The following JAZF1 variants were observed in gnomAD, a reference collection of about 807,000 sequenced individuals.
The protein encoded by JAZF1 is JAZF zinc finger 1.
JAZF1 carries 8 observed loss-of-function variants against 26.4 expected under a neutral mutation model. The ratio of observed to expected loss-of-function variants is 0.30; its 90% CI spans 0.18 to 0.55. The LOEUF is 0.55. JAZF1 is among the 20% of genes least tolerant of loss of function. The pLI, the probability that JAZF1 is intolerant of heterozygous loss-of-function variation, is 0.94. For synonymous variants in JAZF1, 126 were observed against 122.3 expected (o/e 1.03, Z -0.20); for missense variants, 199 against 322.0 (o/e 0.62, Z 2.92).
chr7:28,155,407 ACATC>A (rs1446872045), intron 1 of JAZF1, among the ~76,000 whole-genome samples: 1 of 152,238 alleles, frequency 6.6e-6, no homozygotes, highest in Non-Finnish European at 1.5e-5. Flanking sequence ...CTGGAATAAT[ACATC>A]ACTCTTCTGA....
chr7:27,910,597 C>T (rs1373168063), intron 2 of JAZF1, among the ~76,000 whole-genome samples: 1 of 152,180 alleles, frequency 6.6e-6, no homozygotes, highest in Admixed American at 6.5e-5. Flanking sequence ...AGAGTACAGG[C>T]CCCTATTTCA....
chr7:27,956,150 G>A lies in JAZF1; in HGVS notation c.188+35759C>T, dbSNP rs140151025. 1.4e-4 allele frequency among the ~76,000 whole-genome samples: 22 copies of A among 152,264 alleles called. No individual in the cohort carries two copies. The East Asian group carries it at 4.0e-3, about 28-fold the overall frequency. ...GTAGGGTGTAGCAGATCTTAAAGGC[G>A]TTTCACAAAAATCAGAACCTTTATT... On this transcript the variant is annotated intron_variant, in intron 2 of 4. Coordinates refer to ENST00000283928, the MANE Select transcript of JAZF1 (RefSeq NM_175061.4).
At chr7:28,116,929 T>C (rs1249631728) in intron 1 of JAZF1, among the ~76,000 whole-genome samples, 1 of 152,164 alleles carries the variant, frequency 6.6e-6, no homozygotes, top group East Asian at 1.9e-4. Context: ...GTTCAAGCGA[T>C]TCTCCTGCCT....
At chr7:27,833,202 A>G (rs1296093061) in intron 4 of JAZF1, 1 of 322,314 alleles carries the variant, frequency 3.1e-6, no homozygotes, top group Non-Finnish European at 5.6e-6. Context: ...ATGTGCCTCA[A>G]TTACTCTGAA....
intron 3 of JAZF1, among the ~76,000 whole-genome samples, chr7:27,881,846 T>A (rs1284739572): frequency 6.6e-6 from 1 of 152,216 alleles, no homozygotes; most frequent in African/African-American, 2.4e-5. Context: ...CTGATGAGAC[T>A]TTTAACTATA....
At chr7:28,091,383 C>T (rs774905239) in intron 1 of JAZF1, among the ~76,000 whole-genome samples, 4 of 151,784 alleles carry the variant, frequency 2.6e-5, no homozygotes, top group Non-Finnish European at 4.4e-5. Flanking sequence ...ATTTATGAGG[C>T]ATTTTCCCTT....
intron 2 of JAZF1, among the ~76,000 whole-genome samples, chr7:27,933,703 C>T (rs1784721241): frequency 6.6e-6 from 1 of 152,134 alleles, no homozygotes; most frequent in Non-Finnish European, 1.5e-5. Flanking sequence ...CTTCATTTTA[C>T]AACTAACATC....
At chr7:28,073,255 T>C (rs1345336787) in intron 1 of JAZF1, among the ~76,000 whole-genome samples, 2 of 152,226 alleles carry the variant, frequency 1.3e-5, no homozygotes, top group Non-Finnish European at 2.9e-5. Flanking sequence ...GGAGCGTGGC[T>C]GGAGACCTGG....
chr7:27,875,947 G>T (rs1238111976), intron 3 of JAZF1, among the ~76,000 whole-genome samples: 3 of 152,246 alleles, frequency 2.0e-5, no homozygotes, highest in Non-Finnish European at 4.4e-5. Context: ...AGTCCTCAGA[G>T]GCAGCAGAGG....
chr7:27,864,600 C>A lies in JAZF1; in HGVS notation c.386-23733G>T, dbSNP rs566060286. 2.6e-5 allele frequency among the ~76,000 whole-genome samples: 4 copies of A among 152,300 alleles called. No homozygotes were observed. The East Asian group carries it at 7.7e-4, about 29-fold the overall frequency. ...TCCTGGTACCTGAGTTCCCTGCTCT[C>A]CCAGCTTGGTTAGAAGAGAAAGAAA... is the stretch of plus-strand genomic sequence containing the variant. On this transcript the variant is annotated intron_variant, in intron 3 of 4. Coordinates refer to ENST00000283928, the MANE Select transcript of JAZF1 (RefSeq NM_175061.4).
chr7:27,893,635 G>A (rs1784012097), intron 3 of JAZF1, among the ~76,000 whole-genome samples: 1 of 152,170 alleles, frequency 6.6e-6, no homozygotes, highest in Non-Finnish European at 1.5e-5. Context: ...CTCTCCGGAT[G>A]CCCTCCTATC....
chr7:27,854,418 T>C (rs1174590792), intron 3 of JAZF1, among the ~76,000 whole-genome samples: 3 of 152,372 alleles, frequency 2.0e-5, no homozygotes, highest in African/African-American at 4.8e-5. Context: ...ATTATGATGA[T>C]AGCTGGTTAT....
chr7:28,172,578 T>A (rs1476091349), intron 1 of JAZF1, among the ~76,000 whole-genome samples: 1 of 152,188 alleles, frequency 6.6e-6, no homozygotes, highest in Non-Finnish European at 1.5e-5. Context: ...AAGAAGAGAA[T>A]TTTCATACTG....
chr7:28,022,816 G>A (rs1783028950), intron 1 of JAZF1, among the ~76,000 whole-genome samples: 1 of 152,190 alleles, frequency 6.6e-6, no homozygotes, highest in African/African-American at 2.4e-5. Flanking sequence ...GAGTGCAACG[G>A]CATGATCTTG....
chr7:27,991,833 G>T, intron 2 of JAZF1, 76 bp downstream of exon 2: 1 of 826,860 alleles, frequency 1.2e-6, no homozygotes. Flanking sequence ...TTTCCACTCT[G>T]TTAAAAAAGA....
intron 1 of JAZF1, among the ~76,000 whole-genome samples, chr7:28,077,109 C>CT (rs1784063939): frequency 6.6e-6 from 1 of 152,094 alleles, no homozygotes; most frequent in Non-Finnish European, 1.5e-5. Context: ...ACATTGGAAT[C>CT]TAAGAAAATG....
chr7:27,841,093 A>T (rs1782915123), intron 3 of JAZF1: 1 of 469,652 alleles, frequency 2.1e-6, no homozygotes, highest in Non-Finnish European at 3.8e-6. Context: ...GCTTCCCAAC[A>T]ATTCACAGCT....
At chr7:27,972,761 A>G (rs1785396411) in intron 2 of JAZF1, among the ~76,000 whole-genome samples, 1 of 152,156 alleles carries the variant, frequency 6.6e-6, no homozygotes, top group Non-Finnish European at 1.5e-5. Context: ...GTTGCTGTTA[A>G]AAAGAACGAC....
chr7:28,025,738 T>C (rs764472680), intron 1 of JAZF1, among the ~76,000 whole-genome samples: 4 of 152,206 alleles, frequency 2.6e-5, no homozygotes, highest in Non-Finnish European at 4.4e-5. Flanking sequence ...ATATGGCCCT[T>C]GCAGCAGCAG....
Sources: allele counts gnomAD v4.1 joint callset (sites outside exome capture counted in the v4.1 genomes callset), GRCh38; gene constraint gnomAD v4.1.1; transcripts MANE v1.5; gene names NCBI Gene and HGNC (gene_info 2026-07-23, HGNC 2026-07-21).